Variants in CSPP1 observed in about 807,000 individuals in gnomAD.
The protein encoded by CSPP1 is centrosome and spindle pole associated protein 1, also known as centrosome and spindle pole-associated protein 1.
In CSPP1, 126 loss-of-function variants were observed where a neutral mutation model predicts 164.4. The ratio of observed to expected loss-of-function variants is 0.77; its 90% CI spans 0.66 to 0.89. The LOEUF (loss-of-function observed/expected upper bound fraction) is 0.89. Ranked by LOEUF, CSPP1 falls within the 40% of genes least tolerant of loss-of-function variation. The pLI is 0.00. For missense variants in CSPP1, 1,395 were observed against 1,449.8 expected, an observed-to-expected ratio of 0.96 and a Z score of 0.61; for synonymous variants, 472 against 476.7, an observed-to-expected ratio of 0.99 and a Z score of 0.13.
Position 67,149,947 on chromosome 8 carries a change from CTTTTTTTTT to C in CSPP1, c.2128+28_2128+36del. On this transcript the variant is annotated intron_variant, in intron 18 of 30. Transcript: ENST00000678616. Reference sequence around the variant, plus strand: ...AAATAAAAGCTCAGGTTTTTAATCACTTTTTTTTTTTTTTTTTTTTTTTTACATTTCTGA... The same window carrying C: ...AAATAAAAGCTCAGGTTTTTAATCACTTTTTTTTTTTTTTTACATTTCTGA... 18 of 1,138,310 alleles carry C rather than the reference CTTTTTTTTT, an allele frequency of 1.6e-5. No homozygotes were observed. In the South Asian group the frequency reaches 1.8e-4, roughly 11 times the overall value. The allele number at this position is 1,138,310 out of a possible 1,614,324, so 70.5% of individuals were successfully genotyped here. A position where few individuals can be genotyped will look rare whatever the true frequency, so the allele number is the denominator to read the frequency against.
intron 17 of CSPP1, among the ~76,000 whole-genome samples, chr8:67,144,931 G>T (rs1187307312): frequency 6.6e-6 from 1 of 151,490 alleles, no homozygotes; most frequent in Admixed American, 6.6e-5. Context: ...AATTAGCTGT[G>T]TGTGGTGGTG....
At chr8:67,103,186 G>C in intron 8 of CSPP1, 51 bp downstream of exon 8, 4 of 1,114,458 alleles carry the variant, frequency 3.6e-6, no homozygotes, top group Non-Finnish European at 5.4e-6. Context: ...TTGTGAAACA[G>C]AATGTGCCTA....
At chr8:67,140,157 T>C (rs890309173) in intron 17 of CSPP1, among the ~76,000 whole-genome samples, 3 of 152,168 alleles carry the variant, frequency 2.0e-5, no homozygotes, top group Non-Finnish European at 4.4e-5. Context: ...CCATCTTGGC[T>C]CACTGCAACC....
chr8:67,074,772 T>C (rs1807546613), intron 2 of CSPP1: 2 of 309,668 alleles, frequency 6.5e-6, no homozygotes, highest in Non-Finnish European at 1.2e-5. Context: ...AATATAAATT[T>C]CTTAAAATAA....
At chr8:67,153,304 T>C (rs1826054674) in intron 18 of CSPP1, among the ~76,000 whole-genome samples, 1 of 152,148 alleles carries the variant, frequency 6.6e-6, no homozygotes, top group Non-Finnish European at 1.5e-5. Context: ...AATTTAAATG[T>C]CATTTTTTCC....
chr8:67,085,902 G>C, intron 3 of CSPP1, 105 bp from the exon 4 acceptor site: 3 of 653,066 alleles, frequency 4.6e-6, no homozygotes, highest in Non-Finnish European at 2.8e-6. Flanking sequence ...TCCTACTCTT[G>C]GAATAAGCAT....
intron 28 of CSPP1, among the ~76,000 whole-genome samples, chr8:67,182,987 T>C (rs77292294): frequency 0.033 from 5,045 of 152,282 alleles, 104 homozygotes; most frequent in Middle Eastern, 0.065. Flanking sequence ...TTTGATACAG[T>C]CCAATTTATC....
At chr8:67,162,416 A>T (rs1199254417) in intron 22 of CSPP1, among the ~76,000 whole-genome samples, 1 of 152,232 alleles carries the variant, frequency 6.6e-6, no homozygotes, top group African/African-American at 2.4e-5. Context: ...CATGTGTGGC[A>T]TGCTGTACGG....
rs542305146 is a variant in CSPP1 at position 67,105,911 on chromosome 8, A to G, written c.1029A>G (p.Pro343=). 2 of 1,560,808 alleles carry G rather than the reference A, an allele frequency of 1.3e-6. No individual in the cohort carries two copies. The change falls in exon 9 of 31, where the codon CCA becomes CCG. Residue 343 remains proline (P), a synonymous_variant. Transcript: ENST00000678616. ...TCTGTCTTTTTTTCTTTAGTGCTCCAGACAATGAAACATCCAAATCTGCTA... is the reference window on the plus strand; with the variant it reads ...TCTGTCTTTTTTTCTTTAGTGCTCCGGACAATGAAACATCCAAATCTGCTA... ...RISSAENKSA[P]DNETSKSANQ...
intron 1 of CSPP1, among the ~76,000 whole-genome samples, chr8:67,068,362 G>A (rs1309111961): frequency 6.6e-6 from 1 of 152,156 alleles, no homozygotes; most frequent in Non-Finnish European, 1.5e-5. Context: ...CTATTTTCCT[G>A]AAAACTGTTT....
chr8:67,176,275 C>T (rs992043993), intron 26 of CSPP1, among the ~76,000 whole-genome samples: 6 of 152,124 alleles, frequency 3.9e-5, no homozygotes, highest in Admixed American at 6.5e-5. Context: ...GGAAGGGATG[C>T]TCCTGCTAGT....
intron 1 of CSPP1, among the ~76,000 whole-genome samples, chr8:67,067,838 T>C (rs1441394366): frequency 6.6e-6 from 1 of 152,012 alleles, no homozygotes; most frequent in African/African-American, 2.4e-5. Flanking sequence ...AATAAAAGAA[T>C]TGATCTGTTG....
chr8:67,105,822 A>G (rs1166655084), intron 8 of CSPP1, 83 bp from the exon 9 acceptor site: 11 of 748,916 alleles, frequency 1.5e-5, no homozygotes, highest in Admixed American at 4.0e-5. Context: ...AATAATTCAT[A>G]GCTACATTTT....
At chr8:67,076,727 T>C in intron 3 of CSPP1, 146 bp downstream of exon 3, 1 of 491,482 alleles carries the variant, frequency 2.0e-6, no homozygotes, top group Non-Finnish European at 3.6e-6. Flanking sequence ...ATGGTCTACA[T>C]ATGAAATAGA....
chr8:67,187,010 TATCTA>T (rs995930148), intron 28 of CSPP1, among the ~76,000 whole-genome samples: 20 of 150,850 alleles, frequency 1.3e-4, no homozygotes, highest in African/African-American at 4.2e-4. Flanking sequence ...TCTATCTATC[TATCTA>T]ATCTATCTAT....
intron 24 of CSPP1, among the ~76,000 whole-genome samples, chr8:67,169,726 C>T (rs536945911): frequency 3.3e-5 from 5 of 152,138 alleles, no homozygotes; most frequent in African/African-American, 7.2e-5. Context: ...AGGTGTGAGC[C>T]ACCGTGCCCG....
At chr8:67,158,247 G>A (rs1434793656) in intron 19 of CSPP1, among the ~76,000 whole-genome samples, 200 bp from the exon 20 acceptor site, 7 of 152,154 alleles carry the variant, frequency 4.6e-5, no homozygotes, top group Non-Finnish European at 1.0e-4. Flanking sequence ...GGTCTGTTTG[G>A]TGGAACTGGA....
At chr8:67,070,261 G>C (rs1267139587) in intron 1 of CSPP1, among the ~76,000 whole-genome samples, 1 of 151,832 alleles carries the variant, frequency 6.6e-6, no homozygotes, top group Non-Finnish European at 1.5e-5. Context: ...AGGAGATTGA[G>C]ACCATCCTGG....
At chr8:67,159,945 C>CTTTT in intron 21 of CSPP1, among the ~76,000 whole-genome samples, 1 of 35,114 alleles carries the variant, frequency 2.8e-5, no homozygotes, top group East Asian at 8.8e-4. Flanking sequence ...TTCCTTCCTT[C>CTTTT]CTTCCTTCCT....
Sources: allele counts gnomAD v4.1 joint callset (sites outside exome capture counted in the v4.1 genomes callset), GRCh38; gene constraint gnomAD v4.1.1; transcripts MANE v1.5; gene names NCBI Gene and HGNC (gene_info 2026-07-23, HGNC 2026-07-21).